Variants in CDH18 observed in about 807,000 individuals in gnomAD.
The protein encoded by CDH18 is cadherin 18.
In CDH18, 31 loss-of-function variants were observed where a neutral mutation model predicts 67.9. The ratio of observed to expected loss-of-function variants is 0.46; its 90% CI spans 0.34 to 0.62. The LOEUF (loss-of-function observed/expected upper bound fraction) is 0.62, where lower values mean the gene tolerates loss of function less well. Among genes scored for constraint, CDH18 ranks in the 20% least tolerant of loss-of-function variants. The pLI is 0.01. For synonymous variants in CDH18, 362 were observed against 347.2 expected, an observed-to-expected ratio of 1.04 and a Z score of -0.48; for missense variants, 890 against 975.5, an observed-to-expected ratio of 0.91 and a Z score of 1.17.
rs557451652 is a variant in CDH18, at chr5:19,873,821, G to A, written c.-256-34579C>T. ...TGCTGCCATGCCCGGCTAATTTTTT[G>A]TATTTTAGTAGAGATGGGGTTTCAC... On this transcript the variant is annotated intron_variant, in intron 2 of 12. Transcript: ENST00000382275. Among the ~76,000 whole-genome samples, 276 of 151,988 alleles carry A rather than the reference G, an allele frequency of 1.8e-3. 1 individual carries two copies. Among genetic ancestry groups the A allele is most frequent in the African/African-American group, 6.4e-3 (264 of 41,464 alleles).
At chr5:20,435,554 A>G (rs1415317318) in intron 1 of CDH18, among the ~76,000 whole-genome samples, 2 of 151,958 alleles carry the variant, frequency 1.3e-5, no homozygotes, top group Non-Finnish European at 2.9e-5. Flanking sequence ...ATATTGTTAC[A>G]AATACTGACA....
intron 2 of CDH18, among the ~76,000 whole-genome samples, chr5:19,933,237 G>T (rs1251840872): frequency 6.6e-6 from 1 of 151,248 alleles, no homozygotes; most frequent in Non-Finnish European, 1.5e-5. Context: ...TACCACATTT[G>T]CCCACCTACT....
intron 2 of CDH18, among the ~76,000 whole-genome samples, chr5:19,909,219 T>A (rs985697300): frequency 1.3e-5 from 2 of 151,912 alleles, no homozygotes; most frequent in Non-Finnish European, 2.9e-5. Context: ...TTTAAAAGTG[T>A]CCTTGGCACC....
At chr5:19,929,400 T>C (rs182271737) in intron 2 of CDH18, among the ~76,000 whole-genome samples, 2 of 152,192 alleles carry the variant, frequency 1.3e-5, no homozygotes, top group African/African-American at 4.8e-5. Context: ...GACTGACTCC[T>C]CAAGACTGAA....
At chr5:20,465,208 G>C (rs11956407) in intron 1 of CDH18, among the ~76,000 whole-genome samples, 1 of 151,676 alleles carries the variant, frequency 6.6e-6, no homozygotes, top group East Asian at 1.9e-4. Context: ...TTAAGAGTAA[G>C]CAATGAAGAG....
chr5:19,602,793 A>G (rs548113339), intron 6 of CDH18, among the ~76,000 whole-genome samples: 9 of 152,076 alleles, frequency 5.9e-5, no homozygotes, highest in African/African-American at 1.4e-4. Flanking sequence ...ATAAAACCCT[A>G]TCTCTACTAA....
intron 1 of CDH18, among the ~76,000 whole-genome samples, chr5:20,398,483 G>A (rs1745468107): frequency 6.6e-6 from 1 of 152,096 alleles, no homozygotes; most frequent in Admixed American, 6.6e-5. Context: ...ACATAACCAA[G>A]GGCTTCACTT....
At chr5:19,861,296 T>TG (rs1784874502) in intron 2 of CDH18, among the ~76,000 whole-genome samples, 1 of 151,596 alleles carries the variant, frequency 6.6e-6, no homozygotes, top group Admixed American at 6.6e-5. Context: ...ATGGGTTTTT[T>TG]TTTATATCTG....
chr5:20,521,799 A>G (rs1755758437), intron 1 of CDH18, among the ~76,000 whole-genome samples: 1 of 148,044 alleles, frequency 6.8e-6, no homozygotes, highest in South Asian at 2.1e-4. Context: ...CAAGTTACAC[A>G]CACACACATA....
intron 1 of CDH18, among the ~76,000 whole-genome samples, chr5:20,315,145 C>A (rs1156362222): frequency 6.6e-6 from 1 of 152,010 alleles, no homozygotes; most frequent in Non-Finnish European, 1.5e-5. Context: ...TGTCTCCTCC[C>A]ATCTCTGTTA....
chr5:20,006,815 T>C (rs1011247617), intron 2 of CDH18, among the ~76,000 whole-genome samples: 2 of 151,982 alleles, frequency 1.3e-5, no homozygotes, highest in African/African-American at 2.4e-5. Context: ...AATGAAACAT[T>C]AAAATATACA....
intron 1 of CDH18, among the ~76,000 whole-genome samples, chr5:20,441,211 C>T (rs1749581585): frequency 6.6e-6 from 1 of 151,732 alleles, no homozygotes; most frequent in Admixed American, 6.6e-5. Flanking sequence ...CCAAAGGAAA[C>T]TTTTGATAAG....
At chr5:19,819,689 C>T (rs922467118) in intron 3 of CDH18, among the ~76,000 whole-genome samples, 1 of 152,076 alleles carries the variant, frequency 6.6e-6, no homozygotes, top group African/African-American at 2.4e-5. Flanking sequence ...TTGCACAGAG[C>T]CCAAAAGGTT....
At chr5:20,210,233 T>G (rs1740249945) in intron 2 of CDH18, among the ~76,000 whole-genome samples, 2 of 151,882 alleles carry the variant, frequency 1.3e-5, no homozygotes, top group South Asian at 4.1e-4. Context: ...ATTTATCAAT[T>G]TTCTTGCTTT....
At chr5:20,514,701 C>T (rs903679283) in intron 1 of CDH18, among the ~76,000 whole-genome samples, 9 of 151,964 alleles carry the variant, frequency 5.9e-5, no homozygotes, top group Non-Finnish European at 8.8e-5. Context: ...TAACATCCTG[C>T]GACTTATGCT....
intron 1 of CDH18, among the ~76,000 whole-genome samples, chr5:20,519,511 C>T (rs1755594468): frequency 6.6e-6 from 1 of 151,942 alleles, no homozygotes; most frequent in Admixed American, 6.6e-5. Flanking sequence ...AGGAGATATA[C>T]CTAATGCTAA....
At chr5:20,512,143 A>T (rs1190403967) in intron 1 of CDH18, among the ~76,000 whole-genome samples, 2 of 152,104 alleles carry the variant, frequency 1.3e-5, no homozygotes, top group Non-Finnish European at 2.9e-5. Flanking sequence ...GAATCGCTTG[A>T]ATATGGAAGG....
chr5:19,833,864 A>G (rs1781320222), intron 3 of CDH18, among the ~76,000 whole-genome samples: 1 of 152,060 alleles, frequency 6.6e-6, no homozygotes, highest in Non-Finnish European at 1.5e-5. Context: ...AATCCCAGGG[A>G]TGAAGCTAAC....
At chr5:19,827,893 TG>T (rs1780569083) in intron 3 of CDH18, among the ~76,000 whole-genome samples, 1 of 152,124 alleles carries the variant, frequency 6.6e-6, no homozygotes, top group Admixed American at 6.6e-5. Flanking sequence ...TGAAGGAAAT[TG>T]ATATGTGACA....
Sources: allele counts gnomAD v4.1 joint callset (sites outside exome capture counted in the v4.1 genomes callset), GRCh38; gene constraint gnomAD v4.1.1; transcripts MANE v1.5; gene names NCBI Gene and HGNC (gene_info 2026-07-23, HGNC 2026-07-21).